Variants in LRRN1 observed in about 807,000 individuals in gnomAD.
The protein encoded by LRRN1 is leucine-rich repeat neuronal protein 1.
Under a neutral mutation model 45.8 loss-of-function variants are expected in LRRN1, and 14 were observed. That is an observed-to-expected ratio of 0.31 (90% CI 0.20 to 0.48). The LOEUF (loss-of-function observed/expected upper bound fraction) is 0.48, where lower values mean the gene tolerates loss of function less well. LRRN1 is among the 20% of genes least tolerant of loss of function. LRRN1 has a pLI of 0.99. For synonymous variants in LRRN1, 359 were observed against 330.1 expected (o/e 1.09, Z -0.95); for missense variants, 789 against 874.2 (o/e 0.90, Z 1.23).
chr3:3,805,971 T>C (rs1329944848), intron 1 of LRRN1, among the ~76,000 whole-genome samples: 1 of 152,232 alleles, frequency 6.6e-6, no homozygotes, highest in Non-Finnish European at 1.5e-5. Context: ...CAAGTATTTA[T>C]TGAGTGCTCT....
chr3:3,821,869 G>T (rs974015873), intron 1 of LRRN1, among the ~76,000 whole-genome samples: 1 of 152,168 alleles, frequency 6.6e-6, no homozygotes, highest in African/African-American at 2.4e-5. Context: ...TATCTATTGA[G>T]TGCCCACTAT....
intron 1 of LRRN1, among the ~76,000 whole-genome samples, chr3:3,843,128 T>C (rs1398751743): frequency 6.6e-6 from 1 of 152,186 alleles, no homozygotes; most frequent in Non-Finnish European, 1.5e-5. Flanking sequence ...TTACATAGAT[T>C]CCCTTAATTT....
intron 1 of LRRN1, among the ~76,000 whole-genome samples, chr3:3,824,292 T>C (rs1256864189): frequency 6.6e-6 from 1 of 152,234 alleles, no homozygotes; most frequent in Non-Finnish European, 1.5e-5. Flanking sequence ...AGGGCTTTCC[T>C]ATCTTGAATG....
chr3:3,808,475 G>T (rs913592427), intron 1 of LRRN1, among the ~76,000 whole-genome samples: 3 of 152,184 alleles, frequency 2.0e-5, no homozygotes, highest in Admixed American at 6.5e-5. Flanking sequence ...TGAATGAATG[G>T]GTACACATCT....
chr3:3,833,385 C>T (rs1693411320), intron 1 of LRRN1, among the ~76,000 whole-genome samples: 1 of 152,236 alleles, frequency 6.6e-6, no homozygotes. Context: ...TGAGCTGCAA[C>T]ATTAAATGCA....
intron 1 of LRRN1, among the ~76,000 whole-genome samples, chr3:3,835,527 T>C (rs1693490434): frequency 1.3e-5 from 2 of 150,930 alleles, no homozygotes; most frequent in Non-Finnish European, 2.9e-5. Context: ...ATAATTCGAA[T>C]ACAGAACACT....
At chr3:3,813,717 G>A (rs1296510267) in intron 1 of LRRN1, among the ~76,000 whole-genome samples, 2 of 152,036 alleles carry the variant, frequency 1.3e-5, no homozygotes, top group Non-Finnish European at 2.9e-5. Flanking sequence ...ATCACCGAAG[G>A]AGCAAGAGGA....
chr3:3,809,368 T>A (rs1394089686), intron 1 of LRRN1, among the ~76,000 whole-genome samples: 1 of 152,228 alleles, frequency 6.6e-6, no homozygotes, highest in African/African-American at 2.4e-5. Context: ...GGTCTCGGAC[T>A]CCTGACCTCA....
intron 1 of LRRN1, among the ~76,000 whole-genome samples, chr3:3,841,082 G>A (rs1043903315): frequency 2.0e-5 from 3 of 152,082 alleles, no homozygotes; most frequent in East Asian, 1.9e-4. Flanking sequence ...GACGGATAAC[G>A]AAGTCAGGAG....
At chr3:3,814,997 T>G (rs1461673287) in intron 1 of LRRN1, among the ~76,000 whole-genome samples, 1 of 152,204 alleles carries the variant, frequency 6.6e-6, no homozygotes, top group Non-Finnish European at 1.5e-5. Flanking sequence ...CCCTTTTTAA[T>G]GTACCATCTG....
In LRRN1 at chr3:3,848,254, T is replaced by C. The variant is rs1457502498; in HGVS notation, c.*1462T>C. Among the ~76,000 whole-genome samples, 3 of 152,168 alleles carry C rather than the reference T, an allele frequency of 2.0e-5. No homozygotes were observed. Among genetic ancestry groups the C allele is most frequent in the Non-Finnish European group, 4.4e-5 (3 of 68,036 alleles). Reference sequence around the variant, plus strand: ...GTACAGTTCAAACTTTTCATCCAAATATATATAGACAGTTTTGGAGAATTG... The same window carrying C: ...GTACAGTTCAAACTTTTCATCCAAACATATATAGACAGTTTTGGAGAATTG... On this transcript the variant is annotated 3_prime_UTR_variant, in exon 2 of 2. Coordinates refer to ENST00000319331, the MANE Select transcript of LRRN1 (RefSeq NM_020873.7).
chr3:3,833,169 A>G (rs138967472), intron 1 of LRRN1, among the ~76,000 whole-genome samples: 2,846 of 152,264 alleles, frequency 0.019, 34 homozygotes, highest in Middle Eastern at 0.037. Context: ...GGTCAAGGCT[A>G]TATCTTCTGG....
At position 3,846,326 on chromosome 3, in the gene LRRN1, A is replaced by T. The variant is rs1346494365; in HGVS notation, c.1685A>T (p.Lys562Met). 1 of 1,613,976 alleles carries T rather than the reference A, an allele frequency of 6.2e-7. No individual in the cohort carries two copies. Among genetic ancestry groups the T allele is most frequent in the South Asian group, 1.1e-5 (1 of 91,080 alleles). ...TTAAAATGGTCGTCTGCCACCATGA[A>T]GATTGATAACCCTCACATAACATAT... Reference protein sequence around the residue: ...SNLKWSSATMKIDNPHITYTA... With the variant: ...SNLKWSSATMMIDNPHITYTA... Residue 562 changes from lysine to methionine, a missense_variant, in exon 2 of 2, where the codon AAG (lysine) becomes ATG (methionine). Coordinates refer to ENST00000319331, the MANE Select transcript of LRRN1 (RefSeq NM_020873.7). This position sits in a 1 kb window ranked among gnomAD's most constrained non-coding sequence, Gnocchi z 5.7.
At chr3:3,839,481 A>G (rs751063889) in intron 1 of LRRN1, among the ~76,000 whole-genome samples, 35 of 152,062 alleles carry the variant, frequency 2.3e-4, no homozygotes, top group Non-Finnish European at 4.7e-4. Context: ...AAATCTCTTG[A>G]TCTTATATGA....
At position 3,845,297 on chromosome 3, in the gene LRRN1, G is replaced by C; in HGVS notation, c.656G>C (p.Ser219Thr). Residue 219 changes from serine (S) to threonine (T), a missense_variant, in exon 2 of 2, where the codon AGC (serine) becomes ACC (threonine). Coordinates refer to ENST00000319331, the MANE Select transcript of LRRN1 (RefSeq NM_020873.7). This position sits in a 1 kb window ranked among gnomAD's most constrained non-coding sequence, Gnocchi z 6.5. Reference sequence around the variant, plus strand: ...TTCAAACCCCTCGCAAATTTGAGAAGCTTAGTTTTGGCAGGAATGTATCTC... The same window carrying C: ...TTCAAACCCCTCGCAAATTTGAGAACCTTAGTTTTGGCAGGAATGTATCTC... ...MNFKPLANLR[S>T]LVLAGMYLTD... is the part of the protein sequence containing the mutation. 3.1e-6 allele frequency: 5 copies of C among 1,614,112 alleles called. No individual in the cohort carries two copies. The South Asian group carries it at 3.3e-5, about 11-fold the overall frequency.
chr3:3,822,298 G>A (rs1017487887), intron 1 of LRRN1, among the ~76,000 whole-genome samples: 1 of 152,124 alleles, frequency 6.6e-6, no homozygotes, highest in Non-Finnish European at 1.5e-5. Flanking sequence ...CTACTACTCA[G>A]CCAAAACTAC....
At chr3:3,827,672 C>T (rs1226623397) in intron 1 of LRRN1, among the ~76,000 whole-genome samples, 1 of 152,176 alleles carries the variant, frequency 6.6e-6, no homozygotes, top group Non-Finnish European at 1.5e-5. Flanking sequence ...ACATTATCTA[C>T]ATGATATGGA....
chr3:3,819,441 G>T (rs1013512280), intron 1 of LRRN1, among the ~76,000 whole-genome samples: 1 of 152,136 alleles, frequency 6.6e-6, no homozygotes, highest in Non-Finnish European at 1.5e-5. Context: ...GTGTCAACAG[G>T]GCCATGCTCC....
intron 1 of LRRN1, among the ~76,000 whole-genome samples, chr3:3,841,789 A>C (rs1480649262): frequency 6.6e-6 from 1 of 152,174 alleles, no homozygotes; most frequent in African/African-American, 2.4e-5. Flanking sequence ...CAGTGCTGGG[A>C]TTACAGGCGT....
Sources: gnomAD v4.1 joint callset for allele counts (sites outside exome capture counted in the v4.1 genomes callset) on GRCh38, gnomAD v4.1.1 for gene constraint, Gnocchi (gnomAD v3.1) non-coding constraint, MANE v1.5 for transcripts, NCBI Gene and HGNC (gene_info 2026-07-23, HGNC 2026-07-21) for gene names.